Variants in OLFM3 observed in about 807,000 individuals in gnomAD.
OLFM3 encodes the protein olfactomedin 3, also known as noelin-3.
A neutral mutation model predicts 48.6 loss-of-function variants in OLFM3; 20 were observed. That is an observed-to-expected ratio of 0.41 (90% CI 0.29 to 0.60). The LOEUF (loss-of-function observed/expected upper bound fraction) is 0.60, where lower values mean the gene tolerates loss of function less well. Ranked by LOEUF, OLFM3 falls within the 20% of genes least tolerant of loss-of-function variation. The pLI, the probability that OLFM3 is intolerant of heterozygous loss-of-function variation, is 0.28. For missense variants in OLFM3, 437 were observed against 544.3 expected, an observed-to-expected ratio of 0.80 and a Z score of 1.96; for synonymous variants, 222 against 198.1, an observed-to-expected ratio of 1.12 and a Z score of -1.01.
At chr1:101,883,074 G>C (rs1406439402) in intron 1 of OLFM3, among the ~76,000 whole-genome samples, 1 of 151,782 alleles carries the variant, frequency 6.6e-6, no homozygotes, top group Non-Finnish European at 1.5e-5. Flanking sequence ...ACTAAGACGT[G>C]ACCAGTGAAG....
chr1:101,992,047 C>T (rs2101123208), intron 1 of OLFM3, among the ~76,000 whole-genome samples: 1 of 152,188 alleles, frequency 6.6e-6, no homozygotes, highest in African/African-American at 2.4e-5. Context: ...GCTCCTCATT[C>T]TATAGGTATG....
At chr1:101,989,839 G>A (rs1027781296) in intron 1 of OLFM3, among the ~76,000 whole-genome samples, 4 of 152,120 alleles carry the variant, frequency 2.6e-5, no homozygotes, top group Non-Finnish European at 5.9e-5. Context: ...CCTAAATGCG[G>A]TCTTTTCTCC....
intron 1 of OLFM3, among the ~76,000 whole-genome samples, chr1:101,844,183 A>G (rs1368044286): frequency 6.6e-6 from 1 of 152,186 alleles, no homozygotes; most frequent in Non-Finnish European, 1.5e-5. Flanking sequence ...CTGCTTTGTC[A>G]CATGCCTAAA....
intron 1 of OLFM3, among the ~76,000 whole-genome samples, chr1:101,933,232 G>GA (rs1659510635): frequency 8.7e-6 from 1 of 115,598 alleles, no homozygotes; most frequent in Admixed American, 8.6e-5. Context: ...AAAAAAAAGA[G>GA]AAAAAAGATG....
intron 1 of OLFM3, among the ~76,000 whole-genome samples, chr1:101,921,044 T>C (rs1659077954): frequency 6.6e-6 from 1 of 152,154 alleles, no homozygotes; most frequent in Non-Finnish European, 1.5e-5. Flanking sequence ...ATAAATGTCT[T>C]GACTACTTTT....
At chr1:101,856,643 A>G (rs1656420121) in intron 1 of OLFM3, among the ~76,000 whole-genome samples, 1 of 151,998 alleles carries the variant, frequency 6.6e-6, no homozygotes, top group Admixed American at 6.6e-5. Flanking sequence ...TTAATTATGT[A>G]TTATTTTCTG....
intron 1 of OLFM3, among the ~76,000 whole-genome samples, chr1:101,932,862 T>G (rs1027049379): frequency 2.0e-5 from 3 of 151,900 alleles, no homozygotes; most frequent in African/African-American, 7.3e-5. Flanking sequence ...TCATCAACAT[T>G]CAAGGGAAAG....
At chr1:101,865,094 T>G (rs1656804646) in intron 1 of OLFM3, among the ~76,000 whole-genome samples, 1 of 152,204 alleles carries the variant, frequency 6.6e-6, no homozygotes, top group South Asian at 2.1e-4. Flanking sequence ...TTCTGCCTCC[T>G]CCTTATGTAG....
At chr1:101,927,907 TA>T (rs1452697122) in intron 1 of OLFM3, among the ~76,000 whole-genome samples, 1 of 151,926 alleles carries the variant, frequency 6.6e-6, no homozygotes, top group Non-Finnish European at 1.5e-5. Context: ...GAATTTTTGA[TA>T]AAAACATAAA....
Position 101,803,721 on chromosome 1 carries a change from C to T in OLFM3, c.*517G>A, listed in dbSNP as rs1653605231. The T allele has an allele frequency of 6.6e-6, 1 of 152,416 alleles. No individual in the cohort carries two copies. Among genetic ancestry groups the T allele is most frequent in the Non-Finnish European group, 1.5e-5 (1 of 68,052 alleles). The allele number at this position is 152,416 out of a possible 1,614,324, so 9.4% of individuals were successfully genotyped here. A position where few individuals can be genotyped will look rare whatever the true frequency, so the allele number is the denominator to read the frequency against. ...ATTTAAAAATGACTGTACAGCACCG[C>T]ATCAGAGAATTGTGTTAACAGCAAA... On this transcript the variant is annotated 3_prime_UTR_variant, in exon 6 of 6. Coordinates refer to ENST00000370103, the MANE Select transcript of OLFM3 (RefSeq NM_058170.4).
chr1:101,955,704 A>G (rs1660267668), intron 1 of OLFM3, among the ~76,000 whole-genome samples: 1 of 151,938 alleles, frequency 6.6e-6, no homozygotes, highest in African/African-American at 2.4e-5. Context: ...TTCTAACTAT[A>G]TATATTTTGG....
At chr1:101,976,508 A>G (rs907542666) in intron 1 of OLFM3, among the ~76,000 whole-genome samples, 1 of 152,234 alleles carries the variant, frequency 6.6e-6, no homozygotes, top group African/African-American at 2.4e-5. Context: ...CTATCAGGCT[A>G]TAATTGGTAT....
At chr1:101,811,593 T>C (rs891284936) in intron 4 of OLFM3, among the ~76,000 whole-genome samples, 1 of 152,092 alleles carries the variant, frequency 6.6e-6, no homozygotes, top group Non-Finnish European at 1.5e-5. Context: ...AAAATGCTCA[T>C]CATCACTGGC....
chr1:101,861,125 G>A (rs573456283), intron 1 of OLFM3, among the ~76,000 whole-genome samples: 11 of 151,974 alleles, frequency 7.2e-5, no homozygotes, highest in East Asian at 1.9e-4. Flanking sequence ...GCAGTGGTGC[G>A]ATCTCGGCTC....
chr1:101,866,219 T>C (rs1201663930), intron 1 of OLFM3, among the ~76,000 whole-genome samples: 2 of 152,192 alleles, frequency 1.3e-5, no homozygotes, highest in Non-Finnish European at 2.9e-5. Context: ...TACATTAAAA[T>C]GTAATTGCTG....
intron 1 of OLFM3, among the ~76,000 whole-genome samples, chr1:101,982,258 C>T (rs1173557324): frequency 6.6e-6 from 1 of 152,082 alleles, no homozygotes; most frequent in Non-Finnish European, 1.5e-5. Context: ...GTCCAATCAG[C>T]ATAATTTCAA....
At chr1:101,900,354 TTTGA>T (rs1467685646) in intron 1 of OLFM3, among the ~76,000 whole-genome samples, 5 of 152,100 alleles carry the variant, frequency 3.3e-5, no homozygotes, top group Non-Finnish European at 7.4e-5. Context: ...CCTTGGCATG[TTTGA>T]TTAACAAAGT....
chr1:101,935,854 A>G (rs955817396), intron 1 of OLFM3, among the ~76,000 whole-genome samples: 1 of 152,208 alleles, frequency 6.6e-6, no homozygotes, highest in African/African-American at 2.4e-5. Context: ...TCTCATAAAT[A>G]GAATTTAAAA....
chr1:101,922,675 T>C (rs1283848896), intron 1 of OLFM3, among the ~76,000 whole-genome samples: 1 of 152,154 alleles, frequency 6.6e-6, no homozygotes, highest in Non-Finnish European at 1.5e-5. Context: ...GTAAGAATGA[T>C]TAAAATTATA....
Sources: gnomAD v4.1 joint callset for allele counts (sites outside exome capture counted in the v4.1 genomes callset) on GRCh38, gnomAD v4.1.1 for gene constraint, MANE v1.5 for transcripts, NCBI Gene and HGNC (gene_info 2026-07-23, HGNC 2026-07-21) for gene names.